NREP: variants seen among roughly 807,000 people sequenced by gnomAD.
NREP encodes neuronal regeneration related protein.
In NREP, 5 loss-of-function variants were observed where a neutral mutation model predicts 8.6. The ratio of observed to expected loss-of-function variants is 0.58; its 90% CI spans 0.30 to 1.22. The LOEUF is 1.22. Among genes scored for constraint, NREP ranks in the 50% most tolerant of loss-of-function variants. The probability of loss-of-function intolerance (pLI) is 0.07; values close to 1 mark genes in which losing one functional copy is unlikely to be tolerated. For missense variants in NREP, 86 were observed against 82.5 expected (o/e 1.04, Z -0.17); for synonymous variants, 27 against 28.0 (o/e 0.96, Z 0.11).
At chr5:111,731,430 TA>T (rs11376552) in intron 3 of NREP, among the ~76,000 whole-genome samples, 21 of 141,468 alleles carry the variant, frequency 1.5e-4, no homozygotes, top group East Asian at 2.1e-4. Flanking sequence ...TTGATAATTA[TA>T]AAAAAAAAAA....
chr5:111,822,949 T>A (rs2112926116), intron 2 of NREP, among the ~76,000 whole-genome samples: 1 of 152,356 alleles, frequency 6.6e-6, no homozygotes, highest in Admixed American at 6.5e-5. Flanking sequence ...AGTCCATTTA[T>A]GTTGCTGTAA....
intron 2 of NREP, among the ~76,000 whole-genome samples, chr5:111,792,207 G>C (rs1424379149): frequency 6.6e-6 from 1 of 152,174 alleles, no homozygotes; most frequent in Non-Finnish European, 1.5e-5. Flanking sequence ...GTTTTATAAT[G>C]ATATAAGCTC....
chr5:111,880,594 T>A (rs1285838446), intron 2 of NREP, among the ~76,000 whole-genome samples: 1 of 152,220 alleles, frequency 6.6e-6, no homozygotes, highest in South Asian at 2.1e-4. Flanking sequence ...TTAGGGACCA[T>A]CATAAAGACT....
chr5:111,756,394 AC>A (rs1420092477), intron 1 of NREP: 1 of 338,578 alleles, frequency 3.0e-6, no homozygotes, highest in Non-Finnish European at 4.2e-6. Context: ...ACATTAATGT[AC>A]ATACTGCTGC....
At chr5:111,963,932 T>C (rs759335575) in intron 2 of NREP, among the ~76,000 whole-genome samples, 20 of 152,318 alleles carry the variant, frequency 1.3e-4, no homozygotes, top group Middle Eastern at 3.4e-3. Context: ...ATTGAAGTAA[T>C]ACCAATGTGC....
intron 2 of NREP, among the ~76,000 whole-genome samples, chr5:111,900,431 A>G (rs569374239): frequency 2.0e-5 from 3 of 152,176 alleles, no homozygotes; most frequent in African/African-American, 7.2e-5. Flanking sequence ...AATAGGCCTG[A>G]ATGTAATAGA....
chr5:111,793,571 G>T (rs1040222931), intron 2 of NREP, among the ~76,000 whole-genome samples: 2 of 152,136 alleles, frequency 1.3e-5, no homozygotes, highest in East Asian at 3.9e-4. Context: ...TCAGTCTACT[G>T]ATTCAAATGG....
intron 2 of NREP, among the ~76,000 whole-genome samples, chr5:111,938,776 T>A (rs1448560070): frequency 6.6e-6 from 1 of 152,078 alleles, no homozygotes; most frequent in Non-Finnish European, 1.5e-5. Flanking sequence ...CCATTATTGT[T>A]CTTGATCAAC....
intron 2 of NREP, among the ~76,000 whole-genome samples, chr5:111,841,886 T>G (rs1480803965): frequency 1.3e-5 from 2 of 152,162 alleles, no homozygotes; most frequent in Admixed American, 6.6e-5. Flanking sequence ...TCTTATAGAT[T>G]GGAAGGCTAG....
upstream of NREP, chr5:111,757,697 C>T (rs1581093753): frequency 1.0e-5 from 10 of 984,436 alleles, no homozygotes; most frequent in Non-Finnish European, 1.2e-5. Flanking sequence ...CCCGGGGAGA[C>T]AAAGCGGACC....
chr5:111,830,219 A>G (rs1157095400), intron 2 of NREP, among the ~76,000 whole-genome samples: 1 of 152,150 alleles, frequency 6.6e-6, no homozygotes, highest in East Asian at 1.9e-4. Flanking sequence ...GTGTGGCCCA[A>G]AAGAATTCTT....
upstream of NREP, among the ~76,000 whole-genome samples, chr5:111,758,897 G>A (rs32334): frequency 0.27 from 41,434 of 152,102 alleles, 7,062 homozygotes; most frequent in East Asian, 0.49. Flanking sequence ...ACAAATGCCT[G>A]TTAGACTGCA....
intron 2 of NREP, chr5:111,845,992 C>T (rs1339590624): frequency 6.5e-6 from 1 of 153,212 alleles, no homozygotes; most frequent in Admixed American, 6.5e-5. Flanking sequence ...AAAGTACCAC[C>T]AGCTAGAATA....
At chr5:111,893,302 T>C (rs963654510) in intron 2 of NREP, among the ~76,000 whole-genome samples, 2 of 152,192 alleles carry the variant, frequency 1.3e-5, no homozygotes, top group African/African-American at 4.8e-5. Flanking sequence ...ACTCAGTTGA[T>C]AGATTCTATG....
intron 2 of NREP, among the ~76,000 whole-genome samples, chr5:111,818,931 C>A (rs1337774069): frequency 6.6e-6 from 1 of 152,258 alleles, no homozygotes; most frequent in South Asian, 2.1e-4. Context: ...ATGCATAAAA[C>A]AATACCATTT....
chr5:111,851,774 G>C (rs1753315972), intron 2 of NREP, among the ~76,000 whole-genome samples: 2 of 152,128 alleles, frequency 1.3e-5, no homozygotes, highest in Non-Finnish European at 2.9e-5. Context: ...TAAATTTTAA[G>C]TGTTCTAATG....
At chr5:111,746,770 G>A (rs916678568) in intron 2 of NREP, among the ~76,000 whole-genome samples, 3 of 152,056 alleles carry the variant, frequency 2.0e-5, no homozygotes, top group South Asian at 2.1e-4. Flanking sequence ...CCAAATCCCC[G>A]GAAGTCTACT....
chr5:111,779,708 A>G (rs753582011), intron 2 of NREP, among the ~76,000 whole-genome samples: 8 of 152,160 alleles, frequency 5.3e-5, no homozygotes, highest in Non-Finnish European at 1.0e-4. Flanking sequence ...TATATCTTTC[A>G]TATTTAGATG....
chr5:111,797,998 C>T (rs191883218), intron 2 of NREP, among the ~76,000 whole-genome samples: 227 of 152,246 alleles, frequency 1.5e-3, no homozygotes, highest in African/African-American at 4.8e-3. Context: ...TTGTAGCTCT[C>T]AGACATAGTT....
Sources: gnomAD v4.1 joint callset for allele counts (sites outside exome capture counted in the v4.1 genomes callset) on GRCh38, gnomAD v4.1.1 for gene constraint, MANE v1.5 for transcripts, NCBI Gene and HGNC (gene_info 2026-07-23, HGNC 2026-07-21) for gene names.